The following ALK variants were observed in gnomAD, a reference collection of about 807,000 sequenced individuals.
The protein encoded by ALK is ALK receptor tyrosine kinase.
Under a neutral mutation model 163.1 loss-of-function variants are expected in ALK, and 74 were observed. The observed-to-expected ratio is 0.45, with a 90% CI of 0.38 to 0.55. The LOEUF is 0.55. Ranked by LOEUF, ALK falls within the 20% of genes least tolerant of loss-of-function variation. The pLI is 0.00. For synonymous variants in ALK, 960 were observed against 843.2 expected (o/e 1.14, Z -2.40); for missense variants, 2,063 against 2,105.3 (o/e 0.98, Z 0.39).
chr2:29,794,765 C>T (rs147833090), intron 1 of ALK, among the ~76,000 whole-genome samples: 47 of 152,234 alleles, frequency 3.1e-4, no homozygotes, highest in East Asian at 2.9e-3. Flanking sequence ...TGGTTTGTGG[C>T]ATCCCAATGC....
rs115361513 is a variant in ALK at position 29,716,398 on chromosome 2, G to T, written c.787+1180C>A. Among the ~76,000 whole-genome samples the T allele has an allele frequency of 4.6e-3, 708 of 152,308 alleles. 7 individuals are homozygous for T. Among genetic ancestry groups the T allele is most frequent in the African/African-American group, 0.015 (616 of 41,568 alleles). ...GCAAAGCTTAGTGTCTGTCCTTATG[G>T]TGTTCACCCTAGAGGAGTTCAAGAG... On this transcript the variant is annotated intron_variant, in intron 2 of 28. Transcript: ENST00000389048.
intron 4 of ALK, among the ~76,000 whole-genome samples, chr2:29,404,213 A>C (rs1573323821): frequency 6.6e-6 from 1 of 151,434 alleles, no homozygotes; most frequent in East Asian, 2.0e-4. Flanking sequence ...TGGAGGTGGG[A>C]GAATCACTTG....
intron 26 of ALK, among the ~76,000 whole-genome samples, chr2:29,205,924 T>G (rs1669298196): frequency 6.6e-6 from 1 of 152,158 alleles, no homozygotes; most frequent in Non-Finnish European, 1.5e-5. Flanking sequence ...TCTGTAATTT[T>G]CTCTTCATCG....
intron 3 of ALK, among the ~76,000 whole-genome samples, chr2:29,660,730 A>AG (rs1677322214): frequency 6.6e-6 from 1 of 151,994 alleles, no homozygotes; most frequent in African/African-American, 2.4e-5. Context: ...GCAGACAGGC[A>AG]GGGGGCCATG....
chr2:29,872,467 C>T (rs1167040461), intron 1 of ALK, among the ~76,000 whole-genome samples: 3 of 152,210 alleles, frequency 2.0e-5, no homozygotes, highest in Non-Finnish European at 4.4e-5. Context: ...ATAGGTTAGC[C>T]TAGGCTACCT....
chr2:29,760,447 T>A (rs1680668663), intron 1 of ALK, among the ~76,000 whole-genome samples: 1 of 152,226 alleles, frequency 6.6e-6, no homozygotes, highest in Non-Finnish European at 1.5e-5. Context: ...CTAGTTACTA[T>A]ACCAGATACA....
chr2:29,223,262 AGAG>A, intron 20 of ALK, 77 bp downstream of exon 20: 4 of 1,513,850 alleles, frequency 2.6e-6, no homozygotes, highest in Non-Finnish European at 3.6e-6. Flanking sequence ...TTTTGTGGCT[AGAG>A]GAGTCTGCGG....
chr2:29,629,607 G>T (rs142866090), intron 3 of ALK, among the ~76,000 whole-genome samples: 1 of 152,164 alleles, frequency 6.6e-6, no homozygotes, highest in East Asian at 1.9e-4. Flanking sequence ...ATAATCCAAG[G>T]CATTTTCTGT....
At chr2:29,279,264 G>C (rs1558650530) in intron 9 of ALK, among the ~76,000 whole-genome samples, 2 of 152,184 alleles carry the variant, frequency 1.3e-5, no homozygotes, top group South Asian at 4.2e-4. Context: ...TTTGAGTCAG[G>C]AACACGCACA....
rs879539187 is a variant in ALK, at chr2:29,472,870, T to A, written c.1154+59045A>T. ...CCTGGAGAAATTAAAGAAGATCTGATAAATGAAAATTTATCATGTGTTAAG... is the reference window on the plus strand; with the variant it reads ...CCTGGAGAAATTAAAGAAGATCTGAAAAATGAAAATTTATCATGTGTTAAG... On this transcript the variant is annotated intron_variant, in intron 4 of 28. Transcript: ENST00000389048. Among the ~76,000 whole-genome samples the A allele has an allele frequency of 8.6e-3, 1,265 of 146,940 alleles. 20 individuals are homozygous for A. Among genetic ancestry groups the A allele is most frequent in the African/African-American group, 0.029 (1,185 of 40,618 alleles).
At chr2:29,675,420 G>A (rs1008104388) in intron 3 of ALK, among the ~76,000 whole-genome samples, 15 of 151,828 alleles carry the variant, frequency 9.9e-5, no homozygotes, top group African/African-American at 3.4e-4. Context: ...AGTGACAACT[G>A]TGAGATCCTG....
rs561099813 is a variant in ALK, at chr2:29,734,899, GAGAT to G, written c.668-17206_668-17203del. On this transcript the variant is annotated intron_variant, in intron 1 of 28. Transcript: ENST00000389048. ...TATGCTCAGCACTGCTGAGGGCAAT[GAGAT>G]AGATAATCTTATACATTCCTGGTAG... Among the ~76,000 whole-genome samples the G allele has an allele frequency of 1.7e-3, 262 of 152,232 alleles. 3 individuals are homozygous for G. The highest frequency in any genetic ancestry group is 6.0e-3 in the African/African-American group (248 of 41,558).
chr2:29,715,925 C>T (rs555052386), intron 2 of ALK, among the ~76,000 whole-genome samples: 1 of 152,290 alleles, frequency 6.6e-6, no homozygotes, highest in East Asian at 1.9e-4. Flanking sequence ...AGGAAACATT[C>T]CAGCACAGAA....
intron 16 of ALK, among the ~76,000 whole-genome samples, chr2:29,228,662 G>T (rs1356622716): frequency 6.6e-6 from 1 of 151,698 alleles, no homozygotes; most frequent in East Asian, 2.0e-4. Context: ...AATCACATGG[G>T]ATCTTGATGC....
At chr2:29,684,401 A>C (rs541603932) in intron 3 of ALK, among the ~76,000 whole-genome samples, 1 of 152,202 alleles carries the variant, frequency 6.6e-6, no homozygotes, top group African/African-American at 2.4e-5. Flanking sequence ...CTCTCAGCAC[A>C]GGGCTCCTTC....
chr2:29,206,939 G>C (rs1398813783), intron 26 of ALK, among the ~76,000 whole-genome samples: 1 of 152,224 alleles, frequency 6.6e-6, no homozygotes, highest in African/African-American at 2.4e-5. Context: ...CTAGATCCCA[G>C]ACCTTCTGAA....
At chr2:29,631,715 T>G (rs1676381113) in intron 3 of ALK, among the ~76,000 whole-genome samples, 1 of 152,236 alleles carries the variant, frequency 6.6e-6, no homozygotes, top group African/African-American at 2.4e-5. Context: ...TAAATCAGAT[T>G]TGCACTGAAC....
intron 1 of ALK, among the ~76,000 whole-genome samples, chr2:29,781,330 T>C (rs904528409): frequency 5.3e-5 from 8 of 152,112 alleles, no homozygotes. Flanking sequence ...TTTACACAAA[T>C]CTCTGTATTC....
At chr2:29,679,258 G>A (rs1040725568) in intron 3 of ALK, among the ~76,000 whole-genome samples, 2 of 151,700 alleles carry the variant, frequency 1.3e-5, no homozygotes, top group African/African-American at 4.8e-5. Context: ...TGAGTCTAAA[G>A]TGTCCCTCTT....
Sources: gnomAD v4.1 joint callset for allele counts (sites outside exome capture counted in the v4.1 genomes callset) on GRCh38, gnomAD v4.1.1 for gene constraint, MANE v1.5 for transcripts, NCBI Gene and HGNC (gene_info 2026-07-23, HGNC 2026-07-21) for gene names.